The following JMJD1C variants were observed in gnomAD, a reference collection of about 807,000 sequenced individuals.
JMJD1C encodes the protein jumonji domain-containing protein 1C.
A neutral mutation model predicts 245.3 loss-of-function variants in JMJD1C; 31 were observed. The ratio of observed to expected loss-of-function variants is 0.13; its 90% CI spans 0.09 to 0.17. The LOEUF is 0.17. Ranked by LOEUF, JMJD1C falls within the 10% of genes least tolerant of loss-of-function variation. The probability of loss-of-function intolerance (pLI) is 1.00; values close to 1 mark genes in which losing one functional copy is unlikely to be tolerated. For missense variants in JMJD1C, 2,691 were observed against 3,000.2 expected (o/e 0.90, Z 2.41); for synonymous variants, 1,057 against 1,017.4 (o/e 1.04, Z -0.74).
chr10:63,288,312 A>G (rs1858218861), intron 2 of JMJD1C, among the ~76,000 whole-genome samples: 2 of 152,194 alleles, frequency 1.3e-5, no homozygotes, highest in Admixed American at 1.3e-4. Context: ...ATGTCTTTTC[A>G]TAGCTTAATA....
At chr10:63,414,820 TC>T (rs556760398) in intron 1 of JMJD1C, among the ~76,000 whole-genome samples, 2 of 150,122 alleles carry the variant, frequency 1.3e-5, no homozygotes, top group Admixed American at 6.7e-5. Context: ...GACAGGAGAA[TC>T]ACTTGAACCC....
intron 24 of JMJD1C, 68 bp downstream of exon 24, chr10:63,176,229 G>A (rs2132804845): frequency 8.5e-7 from 1 of 1,179,378 alleles, no homozygotes; most frequent in East Asian, 2.5e-5. Context: ...TATACTAAGA[G>A]CAATTTTTTT....
intron 2 of JMJD1C, among the ~76,000 whole-genome samples, chr10:63,297,092 T>C (rs1859519255): frequency 6.6e-6 from 1 of 152,182 alleles, no homozygotes; most frequent in African/African-American, 2.4e-5. Context: ...CTGAAAAGTA[T>C]ATGCAGTTTA....
At chr10:63,255,971 G>A (rs1271460922) in intron 3 of JMJD1C, among the ~76,000 whole-genome samples, 1 of 151,988 alleles carries the variant, frequency 6.6e-6, no homozygotes, top group Non-Finnish European at 1.5e-5. Context: ...TATTTTGATT[G>A]GAAAAAAGAA....
chr10:63,331,529 T>C (rs1206490643), intron 2 of JMJD1C, among the ~76,000 whole-genome samples: 2 of 152,212 alleles, frequency 1.3e-5, no homozygotes, highest in Non-Finnish European at 2.9e-5. Context: ...AATCCACTGA[T>C]AGTCTACACA....
chr10:63,188,521 T>C lies in JMJD1C; in HGVS notation c.6570+647A>G, dbSNP rs569016523. ...TCTCTTATTAGATGCTCAATAACTGTTGAATAAACAAAGTAAACATTTTCC... is the reference window on the plus strand; with the variant it reads ...TCTCTTATTAGATGCTCAATAACTGCTGAATAAACAAAGTAAACATTTTCC... On this transcript the variant is annotated intron_variant, in intron 18 of 25. Coordinates refer to ENST00000399262, the MANE Select transcript of JMJD1C (RefSeq NM_032776.3). Among the ~76,000 whole-genome samples the C allele has an allele frequency of 3.0e-4, 45 of 152,318 alleles. No individual in the cohort carries two copies. In the South Asian group the frequency reaches 5.8e-3, roughly 20 times the overall value.
intron 2 of JMJD1C, among the ~76,000 whole-genome samples, chr10:63,279,212 T>G (rs867232153): frequency 1.2e-4 from 18 of 152,304 alleles, no homozygotes; most frequent in Middle Eastern, 6.8e-3. Flanking sequence ...ACGGTGCCAT[T>G]GCACTCCAGC....
chr10:63,258,718 T>G (rs1451722790), intron 3 of JMJD1C, among the ~76,000 whole-genome samples: 1 of 152,220 alleles, frequency 6.6e-6, no homozygotes, highest in Admixed American at 6.5e-5. Context: ...AAGTTTTTAC[T>G]TCAGGCTCCT....
chr10:63,521,769 A>G, exon 1 of JMJD1C: 1 of 350,038 alleles, frequency 2.9e-6, no homozygotes, highest in Non-Finnish European at 5.1e-6. Context: ...GCTCCCTGCG[A>G]CGGCCGAGGG....
At chr10:63,293,108 A>T (rs966996039) in intron 2 of JMJD1C, among the ~76,000 whole-genome samples, 1 of 152,186 alleles carries the variant, frequency 6.6e-6, no homozygotes, top group African/African-American at 2.4e-5. Context: ...TATTTTCCCC[A>T]GGAAGATTAC....
chr10:63,353,600 C>T (rs1324907647), intron 2 of JMJD1C, among the ~76,000 whole-genome samples: 2 of 152,050 alleles, frequency 1.3e-5, no homozygotes, highest in Non-Finnish European at 2.9e-5. Context: ...ACTGCAACCT[C>T]TTCCTCCCAA....
chr10:63,213,425 A>C (rs751212148), intron 8 of JMJD1C, 48 bp downstream of exon 8: 1 of 1,037,048 alleles, frequency 9.6e-7, no homozygotes, highest in Admixed American at 2.2e-5. Flanking sequence ...GCACCTGTAC[A>C]TGTTCATTAA....
rs752100624 is a variant in JMJD1C at position 63,208,432 on chromosome 10, T to C, written c.3237A>G (p.Lys1079=). The change falls in exon 10 of 26, where the codon AAA becomes AAG. Residue 1079 remains lysine, a synonymous_variant. Transcript: ENST00000399262. ...DVERSVSDLY[K]MKHSVPQSLP... is the part of the protein sequence containing the mutation. ...AACTCTGAGGCACTGAGTGCTTCAT[T>C]TTATAAAGATCTGATACTGAGCGTT... 4.3e-6 allele frequency: 7 copies of C among 1,613,922 alleles called. No homozygotes were observed. The Admixed American group carries it at 5.0e-5, about 12-fold the overall frequency.
At chr10:63,392,904 A>ACACC (rs1175924440) in intron 1 of JMJD1C, among the ~76,000 whole-genome samples, 3 of 148,610 alleles carry the variant, frequency 2.0e-5, no homozygotes, top group Non-Finnish European at 4.5e-5. Flanking sequence ...ACACACACAC[A>ACACC]CACACGTGAG....
At chr10:63,251,765 T>C (rs1325679396) in intron 3 of JMJD1C, among the ~76,000 whole-genome samples, 1 of 152,070 alleles carries the variant, frequency 6.6e-6, no homozygotes, top group Non-Finnish European at 1.5e-5. Context: ...TTTAAAGGCT[T>C]CCACTTGGGT....
At chr10:63,457,360 C>A (rs902261284) in intron 1 of JMJD1C, among the ~76,000 whole-genome samples, 5 of 152,246 alleles carry the variant, frequency 3.3e-5, no homozygotes, top group Admixed American at 3.3e-4. Context: ...ATAAATTATA[C>A]TTTAAACACT....
chr10:63,398,205 G>A (rs1948623768), intron 1 of JMJD1C, among the ~76,000 whole-genome samples: 1 of 152,018 alleles, frequency 6.6e-6, no homozygotes, highest in Admixed American at 6.6e-5. Flanking sequence ...ATCTAAATAA[G>A]GTCCACATAT....
chr10:63,364,628 G>A (rs776060280), intron 2 of JMJD1C, among the ~76,000 whole-genome samples: 1 of 152,010 alleles, frequency 6.6e-6, no homozygotes, highest in Non-Finnish European at 1.5e-5. Flanking sequence ...TGGGACTACA[G>A]GAAGGCACCA....
intron 4 of JMJD1C, 77 bp from the exon 5 acceptor site, chr10:63,217,408 T>G: frequency 8.5e-7 from 1 of 1,171,798 alleles, no homozygotes. Flanking sequence ...AGAAGAAACA[T>G]GAGCTAGTGT....
Sources: allele counts gnomAD v4.1 joint callset (sites outside exome capture counted in the v4.1 genomes callset), GRCh38; gene constraint gnomAD v4.1.1; transcripts MANE v1.5; gene names NCBI Gene and HGNC (gene_info 2026-07-23, HGNC 2026-07-21).